Variants in PRKD1 observed in about 807,000 individuals in gnomAD.
PRKD1 encodes serine/threonine-protein kinase D1.
Under a neutral mutation model 95.9 loss-of-function variants are expected in PRKD1, and 63 were observed. The ratio of observed to expected loss-of-function variants is 0.66; its 90% CI spans 0.54 to 0.81. The LOEUF (loss-of-function observed/expected upper bound fraction) is 0.81, where lower values mean the gene tolerates loss of function less well. PRKD1 is among the 30% of genes least tolerant of loss of function. PRKD1 has a pLI of 0.00. For synonymous variants in PRKD1, 425 were observed against 423.1 expected (o/e 1.00, Z -0.05); for missense variants, 1,048 against 1,165.3 (o/e 0.90, Z 1.47).
At chr14:29,626,345 C>T (rs139181420) in intron 12 of PRKD1, 139 bp downstream of exon 12, 12,184 of 703,186 alleles carry the variant, frequency 0.017, 152 homozygotes, top group Non-Finnish European at 0.023. Context: ...ATTTTTTAAA[C>T]GCAGAACACA....
At position 29,634,458 on chromosome 14, in the gene PRKD1, T is replaced by C. The variant is rs1351481098; in HGVS notation, c.1274A>G (p.Lys425Arg). 1 of 1,614,112 alleles carries C rather than the reference T, an allele frequency of 6.2e-7. No individual in the cohort carries two copies. Among genetic ancestry groups the C allele is most frequent in the East Asian group, 2.2e-5 (1 of 44,868 alleles). The change falls in exon 8 of 18, where the codon AAA becomes AGA. Residue 425 changes from lysine to arginine, a missense_variant. Transcript: ENST00000331968. Reference sequence around the variant, plus strand: ...GGTGTAGTGGACCATCCATCCTTCTTTCATGACTGTGCTGCTTTTCCTCTT... The same window carrying C: ...GGTGTAGTGGACCATCCATCCTTCTCTCATGACTGTGCTGCTTTTCCTCTT... ...HTKRKSSTVM[K>R]EGWMVHYTSK...
chr14:29,891,856 A>G (rs1450880217), intron 1 of PRKD1, among the ~76,000 whole-genome samples: 3 of 152,204 alleles, frequency 2.0e-5, no homozygotes, highest in African/African-American at 7.2e-5. Flanking sequence ...TTCCAAATAC[A>G]TATGCATATG....
At chr14:29,784,951 C>T (rs1411907431) in intron 1 of PRKD1, among the ~76,000 whole-genome samples, 1 of 152,198 alleles carries the variant, frequency 6.6e-6, no homozygotes, top group African/African-American at 2.4e-5. Flanking sequence ...ATAGAGGCTG[C>T]ATACAAACTG....
At chr14:29,833,394 C>T (rs937786233) in intron 1 of PRKD1, among the ~76,000 whole-genome samples, 2 of 152,056 alleles carry the variant, frequency 1.3e-5, no homozygotes, top group Non-Finnish European at 2.9e-5. Context: ...AAAGTACACA[C>T]ATACAGTCTA....
chr14:29,660,451 T>C (rs1288701402), intron 4 of PRKD1, among the ~76,000 whole-genome samples: 1 of 152,330 alleles, frequency 6.6e-6, no homozygotes, highest in African/African-American at 2.4e-5. Flanking sequence ...CCCTGTGTAC[T>C]GACCTCTCTG....
intron 1 of PRKD1, among the ~76,000 whole-genome samples, chr14:29,926,047 T>A (rs1180312188): frequency 6.6e-6 from 1 of 152,224 alleles, no homozygotes; most frequent in Non-Finnish European, 1.5e-5. Flanking sequence ...TAAATTTCCA[T>A]AAATAAATTC....
At chr14:29,584,320 T>C (rs956560901) in intron 16 of PRKD1, among the ~76,000 whole-genome samples, 11 of 152,178 alleles carry the variant, frequency 7.2e-5, no homozygotes, top group Admixed American at 2.0e-4. Flanking sequence ...GGTGTCATTG[T>C]TGTGGCTAAA....
chr14:29,688,783 A>G (rs542817928), intron 2 of PRKD1, among the ~76,000 whole-genome samples: 64 of 151,946 alleles, frequency 4.2e-4, no homozygotes, highest in Non-Finnish European at 6.8e-4. Flanking sequence ...ATACAAAAAA[A>G]TTAGCCGGGC....
intron 1 of PRKD1, among the ~76,000 whole-genome samples, chr14:29,764,002 T>C (rs545692849): frequency 2.0e-5 from 3 of 152,334 alleles, no homozygotes; most frequent in African/African-American, 4.8e-5. Flanking sequence ...TATTTCTTTG[T>C]GCATGTACAT....
intron 13 of PRKD1, among the ~76,000 whole-genome samples, chr14:29,618,781 GA>G (rs34636619): frequency 4.5e-4 from 66 of 145,390 alleles, no homozygotes; most frequent in South Asian, 8.6e-4. Context: ...AAATGAAATG[GA>G]AAAAAAAAAA....
intron 1 of PRKD1, among the ~76,000 whole-genome samples, chr14:29,778,556 T>A (rs973399526): frequency 6.6e-6 from 1 of 152,208 alleles, no homozygotes; most frequent in African/African-American, 2.4e-5. Flanking sequence ...GATAAATTCC[T>A]GGACACATAC....
intron 1 of PRKD1, among the ~76,000 whole-genome samples, chr14:29,884,007 G>A (rs997127934): frequency 6.6e-6 from 1 of 152,126 alleles, no homozygotes; most frequent in South Asian, 2.1e-4. Flanking sequence ...TCATCAAATG[G>A]CAACTCCTAC....
At position 29,850,950 on chromosome 14, in the gene PRKD1, A is replaced by C. The variant is rs149754164; in HGVS notation, c.264+76299T>G. Among the ~76,000 whole-genome samples, 604 of 152,162 alleles carry C rather than the reference A, an allele frequency of 4.0e-3. 4 individuals carry two copies. The highest frequency in any genetic ancestry group is 0.014 in the African/African-American group (568 of 41,528). On this transcript the variant is annotated intron_variant, in intron 1 of 17. Coordinates refer to ENST00000331968, the MANE Select transcript of PRKD1 (RefSeq NM_002742.3). Reference sequence around the variant, plus strand: ...AGGACCCAGAAATAAAGCCACACACAACCAACCATCTGATCTTTGACAAAG... The same window carrying C: ...AGGACCCAGAAATAAAGCCACACACCACCAACCATCTGATCTTTGACAAAG...
intron 1 of PRKD1, among the ~76,000 whole-genome samples, chr14:29,758,676 T>G (rs1887826768): frequency 1.3e-5 from 2 of 152,226 alleles, no homozygotes; most frequent in Non-Finnish European, 2.9e-5. Context: ...ACTTAGTCTA[T>G]ACTTCATTTT....
Position 29,578,312 on chromosome 14 carries a change from T to A in PRKD1, c.2483A>T (p.Tyr828Phe), listed in dbSNP as rs1040250272. Residue 828 changes from tyrosine (Y) to phenylalanine (F), a missense_variant, in exon 17 of 18, where the codon TAC becomes TTC. Tyr to Phe is a conservative substitution (Grantham distance 22). This residue lies in a region of PRKD1 where 739 missense variants were observed against 861.9 expected (regional missense o/e 0.86). Transcript: ENST00000331968. Reference protein sequence around the residue: ...NLLQVKMRKRYSVDKTLSHPW... With the variant: ...NLLQVKMRKRFSVDKTLSHPW... Reference sequence around the variant, plus strand: ...GTGGCTCAAGGTCTTATCCACACTGTAGCGCTTTCTCATTTTTACTTGCAG... The same window carrying A: ...GTGGCTCAAGGTCTTATCCACACTGAAGCGCTTTCTCATTTTTACTTGCAG... 3 of 1,611,204 alleles carry A rather than the reference T, an allele frequency of 1.9e-6. No homozygotes were observed. Among genetic ancestry groups the A allele is most frequent in the Admixed American group, 3.4e-5 (2 of 59,620 alleles).
chr14:29,702,340 C>T (rs967573905), intron 2 of PRKD1, among the ~76,000 whole-genome samples: 45 of 151,902 alleles, frequency 3.0e-4, no homozygotes, highest in African/African-American at 1.0e-3. Context: ...TTTCTTATGT[C>T]GTTAGCTAAG....
intron 1 of PRKD1, among the ~76,000 whole-genome samples, chr14:29,743,635 T>A (rs1887082712): frequency 6.6e-6 from 1 of 152,170 alleles, no homozygotes; most frequent in South Asian, 2.1e-4. Context: ...CACTTCAGAT[T>A]CCACCCCATT....
chr14:29,731,887 T>A (rs1173993190), intron 1 of PRKD1, among the ~76,000 whole-genome samples: 3 of 151,912 alleles, frequency 2.0e-5, no homozygotes, highest in Non-Finnish European at 2.9e-5. Flanking sequence ...TTTTTTTTTT[T>A]TTTTGAGACC....
chr14:29,841,768 T>C lies in PRKD1; in HGVS notation c.264+85481A>G, dbSNP rs570018122. On this transcript the variant is annotated intron_variant, in intron 1 of 17. Coordinates refer to ENST00000331968, the MANE Select transcript of PRKD1 (RefSeq NM_002742.3). Reference sequence around the variant, plus strand: ...AATTTTTTCTTTCTTCAATAATAAATTAATCTTTCCTTACTGTGACTGTTT... The same window carrying C: ...AATTTTTTCTTTCTTCAATAATAAACTAATCTTTCCTTACTGTGACTGTTT... Among the ~76,000 whole-genome samples the C allele has an allele frequency of 2.6e-5, 4 of 152,214 alleles. No individual in the cohort carries two copies. The South Asian group carries it at 8.3e-4, about 32-fold the overall frequency.
Sources: allele counts gnomAD v4.1 joint callset (sites outside exome capture counted in the v4.1 genomes callset), GRCh38; gene constraint gnomAD v4.1.1; regional missense constraint gnomAD v4.1.1; transcripts MANE v1.5; gene names NCBI Gene and HGNC (gene_info 2026-07-23, HGNC 2026-07-21).